Variants in DLGAP1 observed in about 807,000 individuals in gnomAD.
The protein encoded by DLGAP1 is disks large-associated protein 1.
A neutral mutation model predicts 90.8 loss-of-function variants in DLGAP1; 11 were observed. The observed-to-expected ratio is 0.12, with a 90% CI of 0.08 to 0.20. The LOEUF is 0.20. DLGAP1 is among the 10% of genes least tolerant of loss of function. The pLI, the probability that DLGAP1 is intolerant of heterozygous loss-of-function variation, is 1.00. For synonymous variants in DLGAP1, 558 were observed against 540.7 expected (o/e 1.03, Z -0.44); for missense variants, 1,050 against 1,333.8 (o/e 0.79, Z 3.31).
intron 3 of DLGAP1, among the ~76,000 whole-genome samples, chr18:3,980,957 C>G (rs1308918056): frequency 6.6e-6 from 1 of 152,138 alleles, no homozygotes; most frequent in African/African-American, 2.4e-5. Context: ...CTATAGTCAC[C>G]ATCTTGTTCA....
chr18:3,601,009 G>GATATATAGATATATAGATATATAGAT (rs1568280262), intron 7 of DLGAP1, among the ~76,000 whole-genome samples: 5 of 118,950 alleles, frequency 4.2e-5, no homozygotes, highest in African/African-American at 1.8e-4. Context: ...TATAGATATA[G>GATATATAGATATATAGATATATAGAT]ATAGATATAT....
rs2049760060 is a variant in DLGAP1, at chr18:3,498,276, GACA to G, written c.*906_*908del. ...CTTTCCCTTTAAAAACAGCCGCCAC[GACA>G]ACAATATAAATATACACAGTACAAT... On this transcript the variant is annotated 3_prime_UTR_variant, in exon 13 of 13. Transcript: ENST00000315677. The G allele has an allele frequency of 6.6e-6, 1 of 152,076 alleles. No homozygotes were observed. Among genetic ancestry groups the G allele is most frequent in the African/African-American group, 2.4e-5 (1 of 41,414 alleles). 9.4% of individuals were successfully genotyped at this position (152,076 alleles called of 1,614,324 possible).
chr18:3,936,111 C>G (rs561432575), intron 3 of DLGAP1, among the ~76,000 whole-genome samples: 21 of 152,242 alleles, frequency 1.4e-4, no homozygotes, highest in African/African-American at 3.6e-4. Context: ...CAGGCTGAAC[C>G]CCCCCAGAGA....
intron 1 of DLGAP1, among the ~76,000 whole-genome samples, chr18:4,431,941 C>T (rs1339200258): frequency 6.6e-6 from 1 of 152,152 alleles, no homozygotes; most frequent in Non-Finnish European, 1.5e-5. Flanking sequence ...TGTTTTAGAA[C>T]CAGTTTATTT....
intron 1 of DLGAP1, among the ~76,000 whole-genome samples, chr18:4,316,822 G>T (rs1312433540): frequency 3.3e-5 from 5 of 152,110 alleles, no homozygotes; most frequent in Admixed American, 3.3e-4. Context: ...GCCACAATTT[G>T]GCCACTAGAT....
intron 7 of DLGAP1, among the ~76,000 whole-genome samples, chr18:3,700,735 G>C (rs545753503): frequency 1.2e-3 from 180 of 150,672 alleles, no homozygotes; most frequent in South Asian, 4.2e-3. Flanking sequence ...TCAGCCTCCC[G>C]AGTAGCTGGG....
chr18:3,825,397 G>A (rs2067655444), intron 4 of DLGAP1, among the ~76,000 whole-genome samples: 1 of 152,182 alleles, frequency 6.6e-6, no homozygotes, highest in African/African-American at 2.4e-5. Context: ...TTAACTTCCT[G>A]ATATAAAATG....
At chr18:4,374,231 T>A (rs898892218) in intron 1 of DLGAP1, among the ~76,000 whole-genome samples, 2 of 152,058 alleles carry the variant, frequency 1.3e-5, no homozygotes, top group African/African-American at 4.8e-5. Context: ...GGAACAATGC[T>A]TCCAAAATTC....
chr18:3,947,238 A>C (rs1226914190), intron 3 of DLGAP1, among the ~76,000 whole-genome samples: 1 of 152,200 alleles, frequency 6.6e-6, no homozygotes, highest in Non-Finnish European at 1.5e-5. Context: ...AACTCTCTTT[A>C]TGTGTTCAAA....
In DLGAP1 at chr18:3,508,675, A is replaced by AC; in HGVS notation, c.2480-15dup. 1 of 1,602,828 alleles carries AC rather than the reference A, an allele frequency of 6.2e-7. No individual in the cohort carries two copies. The highest frequency in any genetic ancestry group is 1.1e-5 in the South Asian group (1 of 90,388). Reference sequence around the variant, plus strand: ...TTTTTCCTAGAACTGGAAAGAGCAAACATACGAGAAATTTACACATCATGC... The same window carrying AC: ...TTTTTCCTAGAACTGGAAAGAGCAAACCATACGAGAAATTTACACATCATGC... On this transcript the variant is annotated splice_polypyrimidine_tract_variant and intron_variant, in intron 10 of 12. Transcript: ENST00000315677.
intron 1 of DLGAP1, among the ~76,000 whole-genome samples, chr18:4,203,265 TAAAAA>T (rs61037023): frequency 7.8e-6 from 1 of 128,114 alleles, no homozygotes; most frequent in African/African-American, 2.8e-5. Context: ...ACAGAGAGAT[TAAAAA>T]AAAAAAAAAA....
chr18:4,025,200 A>G (rs1350446910), intron 2 of DLGAP1, among the ~76,000 whole-genome samples: 1 of 152,218 alleles, frequency 6.6e-6, no homozygotes, highest in Non-Finnish European at 1.5e-5. Flanking sequence ...TGTGCACTCT[A>G]CACTGAGTAT....
At chr18:3,579,611 A>AT (rs2145346677) in intron 8 of DLGAP1, among the ~76,000 whole-genome samples, 1 of 152,336 alleles carries the variant, frequency 6.6e-6, no homozygotes, top group African/African-American at 2.4e-5. Flanking sequence ...GCAGACTGAT[A>AT]TAGCACAACA....
chr18:3,961,162 C>T (rs559500846), intron 3 of DLGAP1, among the ~76,000 whole-genome samples: 9 of 152,124 alleles, frequency 5.9e-5, no homozygotes, highest in African/African-American at 9.6e-5. Context: ...AGAAGGGCTC[C>T]GGAGCCCTGA....
At chr18:4,374,991 GTTAT>G (rs1427639025) in intron 1 of DLGAP1, among the ~76,000 whole-genome samples, 4 of 152,042 alleles carry the variant, frequency 2.6e-5, no homozygotes, top group African/African-American at 9.7e-5. Context: ...TTCTCTTCTA[GTTAT>G]TTAGAGGATT....
chr18:3,863,776 G>A (rs1305838948), intron 4 of DLGAP1, among the ~76,000 whole-genome samples: 1 of 152,176 alleles, frequency 6.6e-6, no homozygotes, highest in African/African-American at 2.4e-5. Context: ...CTGGTGGCTG[G>A]GCTCGGGAGC....
chr18:3,603,774 C>T (rs963140450), intron 7 of DLGAP1: 5 of 154,386 alleles, frequency 3.2e-5, no homozygotes, highest in African/African-American at 1.2e-4. Flanking sequence ...AAAAGAGCTC[C>T]TGTTGACATC....
chr18:3,911,427 C>A (rs2072031477), intron 3 of DLGAP1, among the ~76,000 whole-genome samples: 1 of 152,002 alleles, frequency 6.6e-6, no homozygotes. Flanking sequence ...TCTTCTTTTC[C>A]CCTCATAATT....
At chr18:3,954,365 T>A (rs1053144579) in intron 3 of DLGAP1, among the ~76,000 whole-genome samples, 1 of 152,178 alleles carries the variant, frequency 6.6e-6, no homozygotes, top group Non-Finnish European at 1.5e-5. Flanking sequence ...CAAAACAGGA[T>A]TTTTGATGTT....
Sources: gnomAD v4.1 joint callset for allele counts (sites outside exome capture counted in the v4.1 genomes callset) on GRCh38, gnomAD v4.1.1 for gene constraint, MANE v1.5 for transcripts, NCBI Gene and HGNC (gene_info 2026-07-23, HGNC 2026-07-21) for gene names.